ARHGAP5: variants seen among roughly 807,000 people sequenced by gnomAD.
ARHGAP5 encodes the protein Rho GTPase activating protein 5.
A neutral mutation model predicts 116.6 loss-of-function variants in ARHGAP5; 23 were observed. The observed-to-expected ratio is 0.20, with a 90% CI of 0.14 to 0.28. The LOEUF (loss-of-function observed/expected upper bound fraction) is 0.28. ARHGAP5 is among the 10% of genes least tolerant of loss of function. ARHGAP5 has a pLI of 1.00. For synonymous variants in ARHGAP5, 574 were observed against 602.0 expected (o/e 0.95, Z 0.68); for missense variants, 1,405 against 1,774.8 (o/e 0.79, Z 3.74).
intron 1 of ARHGAP5, among the ~76,000 whole-genome samples, chr14:32,090,280 G>A (rs1878177804): frequency 1.3e-5 from 2 of 152,038 alleles, no homozygotes; most frequent in South Asian, 4.1e-4. Context: ...TTTAAAGTTT[G>A]TGAGACATTA....
At chr14:32,077,498 T>C (rs920545734) in intron 1 of ARHGAP5, 63 bp downstream of exon 1, 6 of 671,432 alleles carry the variant, frequency 8.9e-6, no homozygotes, top group Admixed American at 8.7e-5. Flanking sequence ...GGGACCCTCC[T>C]GCGGCTAGCT....
intron 1 of ARHGAP5, among the ~76,000 whole-genome samples, chr14:32,083,978 T>C (rs138095696): frequency 1.3e-5 from 2 of 152,314 alleles, no homozygotes; most frequent in East Asian, 3.9e-4. Context: ...AAATAAATAC[T>C]TATAGTTGTT....
At position 32,092,595 on chromosome 14, in the gene ARHGAP5, T is replaced by C. The variant is rs764639550; in HGVS notation, c.1926T>C (p.Pro642=). 6.2e-7 allele frequency: 1 copy of C among 1,613,722 alleles called. No individual in the cohort carries two copies. Among genetic ancestry groups the C allele is most frequent in the South Asian group, 1.1e-5 (1 of 90,952 alleles). The part of the protein sequence containing the change: ...LDLRPVDAKS[P]YFLSQLWTAA... ...TTCGGCCGGTTGATGCCAAATCGCC[T>C]TACTTTTTGAGTCAGTTATGGACTG... Residue 642 remains proline, a synonymous_variant, in exon 2 of 7, where the codon CCT becomes CCC. Transcript: ENST00000345122. This position sits in a 1 kb window ranked among gnomAD's most constrained non-coding sequence, Gnocchi z 4.1.
intron 3 of ARHGAP5, among the ~76,000 whole-genome samples, chr14:32,123,169 T>A (rs1327283600): frequency 6.6e-6 from 1 of 152,068 alleles, no homozygotes; most frequent in Admixed American, 6.6e-5. Flanking sequence ...AATTATCACA[T>A]AATTTTAATA....
intron 3 of ARHGAP5, among the ~76,000 whole-genome samples, chr14:32,128,812 A>C (rs1880329409): frequency 6.6e-6 from 1 of 152,254 alleles, no homozygotes. Context: ...CATAAAAGAT[A>C]CTGGTCTGTT....
rs926544855 is a variant in ARHGAP5, at chr14:32,128,308, A to G, written c.3865+11021A>G. Among the ~76,000 whole-genome samples, 5 of 152,226 alleles carry G rather than the reference A, an allele frequency of 3.3e-5. No homozygotes were observed. In the South Asian group the frequency reaches 6.2e-4, roughly 19 times the overall value. ...GCCGGGCAGAGGCCGCAATCTCAGC[A>G]CTTTGGGAGGCCAAGGCAGGCGGCT... On this transcript the variant is annotated intron_variant, in intron 3 of 6. Transcript: ENST00000345122.
chr14:32,134,933 T>C lies in ARHGAP5; in HGVS notation c.3866-11330T>C, dbSNP rs191425854. Among the ~76,000 whole-genome samples, 366 of 152,314 alleles carry C rather than the reference T, an allele frequency of 2.4e-3. 1 individual carries two copies. Among genetic ancestry groups the C allele is most frequent in the African/African-American group, 7.7e-3 (322 of 41,560 alleles). On this transcript the variant is annotated intron_variant, in intron 3 of 6. Transcript: ENST00000345122. ...CTTTATCTCTCACATTCCAGAGTGT[T>C]CTTATATTTCATTCTTATATTTAAT...
chr14:32,095,339 TAAGTTA>T (rs747647803), intron 2 of ARHGAP5, among the ~76,000 whole-genome samples: 4 of 152,132 alleles, frequency 2.6e-5, no homozygotes, highest in Non-Finnish European at 2.9e-5. Flanking sequence ...TTTCTAAGTT[TAAGTTA>T]AAGTATTACC....
At chr14:32,080,742 G>C (rs2138993411) in intron 1 of ARHGAP5, among the ~76,000 whole-genome samples, 1 of 152,140 alleles carries the variant, frequency 6.6e-6, no homozygotes, top group East Asian at 1.9e-4. Context: ...ATTGCAAGCA[G>C]GAGTTTAGAT....
At chr14:32,150,130 C>A in intron 5 of ARHGAP5, 97 bp downstream of exon 5, 2 of 1,004,862 alleles carry the variant, frequency 2.0e-6, no homozygotes, top group Admixed American at 3.3e-5. Flanking sequence ...GAATATGTAG[C>A]TAATAAAAAT....
intron 1 of ARHGAP5, among the ~76,000 whole-genome samples, chr14:32,085,673 G>A (rs2041822121): frequency 6.6e-6 from 1 of 152,090 alleles, no homozygotes; most frequent in Non-Finnish European, 1.5e-5. Flanking sequence ...ATAAGGGATA[G>A]TTATTTGATT....
intron 2 of ARHGAP5, among the ~76,000 whole-genome samples, chr14:32,095,984 C>T (rs1878507321): frequency 6.6e-6 from 1 of 151,478 alleles, no homozygotes; most frequent in Non-Finnish European, 1.5e-5. Context: ...CTTTGGTAAC[C>T]TTTTATTTTG....
At chr14:32,131,508 A>G (rs1457745132) in intron 3 of ARHGAP5, among the ~76,000 whole-genome samples, 1 of 150,412 alleles carries the variant, frequency 6.6e-6, no homozygotes, top group Non-Finnish European at 1.5e-5. Context: ...CAACCCCCCC[A>G]TTTCTCCCTT....
intron 6 of ARHGAP5, among the ~76,000 whole-genome samples, chr14:32,152,872 G>A (rs2139152951): frequency 6.6e-6 from 1 of 151,990 alleles, no homozygotes; most frequent in Non-Finnish European, 1.5e-5. Flanking sequence ...TGTGACCTTG[G>A]GTAAATGACT....
Position 32,091,015 on chromosome 14 carries a change from A to G in ARHGAP5, c.346A>G (p.Ile116Val), listed in dbSNP as rs768613950. ...PHRSTNLQPYIKRAAASKLQS... is the reference protein window; with the variant it reads ...PHRSTNLQPYVKRAAASKLQS... ...TCGGAGTACGAATTTGCAACCATATATAAAACGTGCAGCTGCATCTAAATT... is the reference window on the plus strand; with the variant it reads ...TCGGAGTACGAATTTGCAACCATATGTAAAACGTGCAGCTGCATCTAAATT... Residue 116 changes from isoleucine (I) to valine (V), a missense_variant, in exon 2 of 7, where the codon ATA (isoleucine) becomes GTA (valine). Ile to Val is a conservative substitution (Grantham distance 29). This residue lies in a region of ARHGAP5 where 190 missense variants were observed against 314.9 expected (regional missense o/e 0.60). Transcript: ENST00000345122. 3 of 1,613,720 alleles carry G rather than the reference A, an allele frequency of 1.9e-6. No homozygotes were observed. Among genetic ancestry groups the G allele is most frequent in the East Asian group, 2.2e-5 (1 of 44,860 alleles).
intron 2 of ARHGAP5, among the ~76,000 whole-genome samples, chr14:32,108,004 G>A (rs1594359610): frequency 6.6e-6 from 1 of 152,306 alleles, no homozygotes; most frequent in East Asian, 1.9e-4. Flanking sequence ...CTAGTGAAGA[G>A]TATGATATGG....
At chr14:32,085,216 G>A (rs933919245) in intron 1 of ARHGAP5, among the ~76,000 whole-genome samples, 3 of 151,950 alleles carry the variant, frequency 2.0e-5, no homozygotes, top group African/African-American at 7.3e-5. Flanking sequence ...GAGGCTGATG[G>A]AAGAGGATTG....
Position 32,090,812 on chromosome 14 carries a change from A to G in ARHGAP5, c.143A>G (p.Glu48Gly). The G allele has an allele frequency of 6.2e-7, 1 of 1,613,636 alleles. No individual in the cohort carries two copies. Among genetic ancestry groups the G allele is most frequent in the Non-Finnish European group, 8.5e-7 (1 of 1,179,602 alleles). ...AGATTTGTACGCTCAAAAGCAGATG[A>G]ATATTATCCAGAGCATACTTCTGTG... ...CNRFVRSKAD[E>G]YYPEHTSVLS... Residue 48 changes from glutamate to glycine, a missense_variant, in exon 2 of 7, where the codon GAA (glutamate) becomes GGA (glycine). Physicochemically the swap from Glu to Gly is moderately conservative, Grantham distance 98. Around this residue, in one of 6 missense-constraint regions of ARHGAP5, gnomAD observed 190 missense variants for 314.9 expected, o/e 0.60. Transcript: ENST00000345122.
intron 2 of ARHGAP5, among the ~76,000 whole-genome samples, chr14:32,103,805 G>A (rs1300817883): frequency 6.6e-6 from 1 of 152,066 alleles, no homozygotes; most frequent in Non-Finnish European, 1.5e-5. Flanking sequence ...CTTAATCTGT[G>A]ACTTTTAAAG....
Sources: gnomAD v4.1 joint callset for allele counts (sites outside exome capture counted in the v4.1 genomes callset) on GRCh38, gnomAD v4.1.1 for gene constraint, gnomAD v4.1.1 regional missense constraint, Gnocchi (gnomAD v3.1) non-coding constraint, MANE v1.5 for transcripts, NCBI Gene and HGNC (gene_info 2026-07-23, HGNC 2026-07-21) for gene names.